The following DOCK7 variants were observed in gnomAD, a reference collection of about 807,000 sequenced individuals.
The protein encoded by DOCK7 is dedicator of cytokinesis 7, also known as dedicator of cytokinesis protein 7.
Under a neutral mutation model 271.0 loss-of-function variants are expected in DOCK7, and 138 were observed. The observed-to-expected ratio is 0.51, with a 90% CI of 0.44 to 0.59. The LOEUF (loss-of-function observed/expected upper bound fraction) is 0.59, where lower values mean the gene tolerates loss of function less well. Ranked by LOEUF, DOCK7 falls within the 20% of genes least tolerant of loss-of-function variation. The pLI, the probability that DOCK7 is intolerant of heterozygous loss-of-function variation, is 0.00. For missense variants in DOCK7, 2,066 were observed against 2,592.4 expected, an observed-to-expected ratio of 0.80 and a Z score of 4.41; for synonymous variants, 823 against 876.1, an observed-to-expected ratio of 0.94 and a Z score of 1.07.
At chr1:62,514,961 G>A (rs1644616180) in intron 31 of DOCK7, among the ~76,000 whole-genome samples, 2 of 152,002 alleles carry the variant, frequency 1.3e-5, no homozygotes, top group South Asian at 4.2e-4. Flanking sequence ...ATGTTGAGAG[G>A]AAAGACATAG....
At chr1:62,514,746 T>G (rs1644607985) in intron 31 of DOCK7, among the ~76,000 whole-genome samples, 1 of 152,100 alleles carries the variant, frequency 6.6e-6, no homozygotes, top group African/African-American at 2.4e-5. Context: ...CTGTAAACTA[T>G]AACATTAACT....
chr1:62,466,935 C>CAA (rs879612213), intron 48 of DOCK7, among the ~76,000 whole-genome samples: 154 of 149,284 alleles, frequency 1.0e-3, no homozygotes, highest in African/African-American at 3.7e-3. Context: ...AAAACAAAAA[C>CAA]AAAAAAAAAC....
chr1:62,565,945 A>C (rs6693353), intron 18 of DOCK7, among the ~76,000 whole-genome samples: 88,032 of 151,966 alleles, frequency 0.58, 27,300 homozygotes, highest in East Asian at 0.76. Flanking sequence ...GTGAACTCCC[A>C]TTCACAATTG....
At chr1:62,517,324 CA>C (rs1191224196) in intron 31 of DOCK7, among the ~76,000 whole-genome samples, 44 of 152,300 alleles carry the variant, frequency 2.9e-4, no homozygotes, top group African/African-American at 1.0e-3. Flanking sequence ...AGGCCGGGCG[CA>C]GTGGCTCACG....
intron 18 of DOCK7, among the ~76,000 whole-genome samples, chr1:62,571,866 C>T (rs1487818311): frequency 6.6e-6 from 1 of 152,020 alleles, no homozygotes; most frequent in Non-Finnish European, 1.5e-5. Flanking sequence ...AACACATGGA[C>T]ACAGGGAAGG....
At chr1:62,683,764 G>A (rs1007715864) in intron 1 of DOCK7, among the ~76,000 whole-genome samples, 32 of 151,820 alleles carry the variant, frequency 2.1e-4, no homozygotes, top group African/African-American at 6.5e-4. Context: ...GCGAAAACCC[G>A]TCTCTACAAA....
chr1:62,559,302 A>T, intron 19 of DOCK7, 82 bp from the exon 20 acceptor site: 1 of 979,874 alleles, frequency 1.0e-6, no homozygotes, highest in Non-Finnish European at 1.5e-6. Context: ...GACCACAAAC[A>T]TGTCATATTA....
intron 18 of DOCK7, among the ~76,000 whole-genome samples, chr1:62,565,410 G>A (rs147176924): frequency 0.03 from 4,609 of 152,126 alleles, 165 homozygotes; most frequent in African/African-American, 0.084. Context: ...TTCAACATAC[G>A]CAAATAAATA....
chr1:62,588,583 T>C (rs901084416), intron 14 of DOCK7, among the ~76,000 whole-genome samples: 1 of 152,172 alleles, frequency 6.6e-6, no homozygotes, highest in Non-Finnish European at 1.5e-5. Context: ...GAGAATTGAA[T>C]CTAGCGCCTT....
intron 1 of DOCK7, among the ~76,000 whole-genome samples, chr1:62,681,099 G>A (rs1416757032): frequency 2.6e-5 from 4 of 151,526 alleles, no homozygotes; most frequent in Non-Finnish European, 2.9e-5. Flanking sequence ...TGTTTACTGC[G>A]GCACTATTCA....
At chr1:62,547,180 A>G (rs1645739439) in intron 22 of DOCK7, among the ~76,000 whole-genome samples, 1 of 152,166 alleles carries the variant, frequency 6.6e-6, no homozygotes, top group South Asian at 2.1e-4. Flanking sequence ...GATGTTCTGA[A>G]CAGTTGTAAT....
chr1:62,610,273 T>C (rs1017563577), intron 14 of DOCK7, among the ~76,000 whole-genome samples: 1 of 151,854 alleles, frequency 6.6e-6, no homozygotes, highest in East Asian at 1.9e-4. Context: ...CTATGAACTC[T>C]AAAAATAAAA....
chr1:62,498,320 T>C lies in DOCK7; in HGVS notation c.4765-1823A>G, dbSNP rs1041171346. 3.9e-5 allele frequency among the ~76,000 whole-genome samples: 6 copies of C among 152,322 alleles called. No individual in the cohort carries two copies. In the East Asian group the frequency reaches 1.2e-3, roughly 29 times the overall value. On this transcript the variant is annotated intron_variant, in intron 37 of 49. Coordinates refer to ENST00000635253, the MANE Select transcript of DOCK7 (RefSeq NM_001367561.1). ...CTTTCTAATTATGTATGTGTCATTATCTTTACCTAAAAAGCTCTATCCATT... is the reference window on the plus strand; with the variant it reads ...CTTTCTAATTATGTATGTGTCATTACCTTTACCTAAAAAGCTCTATCCATT...
intron 15 of DOCK7, among the ~76,000 whole-genome samples, chr1:62,586,191 T>C (rs1417050928): frequency 6.6e-6 from 1 of 152,194 alleles, no homozygotes; most frequent in Non-Finnish European, 1.5e-5. Context: ...ATCTCTACTT[T>C]GATAGAGTTC....
At chr1:62,638,777 G>A (rs1029103130) in intron 7 of DOCK7, among the ~76,000 whole-genome samples, 11 of 151,162 alleles carry the variant, frequency 7.3e-5, no homozygotes, top group African/African-American at 2.4e-4. Context: ...TAGACACAAA[G>A]AGAGGAAAGC....
intron 34 of DOCK7, among the ~76,000 whole-genome samples, chr1:62,508,519 T>A (rs116591060): frequency 0.017 from 2,604 of 152,314 alleles, 71 homozygotes; most frequent in African/African-American, 0.059. Flanking sequence ...CAATTTTTTT[T>A]ATATAAATAT....
intron 25 of DOCK7, among the ~76,000 whole-genome samples, chr1:62,540,656 T>C (rs1321068418): frequency 6.6e-6 from 1 of 152,198 alleles, no homozygotes; most frequent in Non-Finnish European, 1.5e-5. Context: ...ATTGTATTTG[T>C]ACTGAATATT....
chr1:62,619,731 A>T (rs952763093), intron 13 of DOCK7, among the ~76,000 whole-genome samples, 169 bp downstream of exon 13: 1 of 152,140 alleles, frequency 6.6e-6, no homozygotes, highest in African/African-American at 2.4e-5. Context: ...CCTGCATCCA[A>T]ACTGTCAGAT....
chr1:62,666,591 A>G (rs1428548473), intron 1 of DOCK7, among the ~76,000 whole-genome samples: 3 of 152,234 alleles, frequency 2.0e-5, no homozygotes, highest in Non-Finnish European at 4.4e-5. Context: ...AATCTTCCCA[A>G]ATAAAAAAAC....
Sources: allele counts gnomAD v4.1 joint callset (sites outside exome capture counted in the v4.1 genomes callset), GRCh38; gene constraint gnomAD v4.1.1; transcripts MANE v1.5; gene names NCBI Gene and HGNC (gene_info 2026-07-23, HGNC 2026-07-21).